Variants in SYNE1 observed in about 807,000 individuals in gnomAD.
The protein encoded by SYNE1 is nesprin-1.
A neutral mutation model predicts 1,111.0 loss-of-function variants in SYNE1; 616 were observed. The observed-to-expected ratio is 0.55, with a 90% CI of 0.52 to 0.59. The LOEUF (loss-of-function observed/expected upper bound fraction) is 0.59, where lower values mean the gene tolerates loss of function less well. SYNE1 is among the 20% of genes least tolerant of loss of function. The pLI, the probability that SYNE1 is intolerant of heterozygous loss-of-function variation, is 0.00. For missense variants in SYNE1, 10,006 were observed against 10,417.0 expected (o/e 0.96, Z 1.72); for synonymous variants, 3,855 against 3,825.8 (o/e 1.01, Z -0.28).
At chr6:152,588,612 G>A (rs2099547863) in intron 3 of SYNE1, among the ~76,000 whole-genome samples, 1 of 152,316 alleles carries the variant, frequency 6.6e-6, no homozygotes, top group African/African-American at 2.4e-5. Flanking sequence ...GGATAGGAAG[G>A]GTTGGGGAGG....
At chr6:152,211,702 C>A in intron 123 of SYNE1, 114 bp from the exon 124 acceptor site, 1 of 819,090 alleles carries the variant, frequency 1.2e-6, no homozygotes, top group Non-Finnish European at 2.0e-6. Flanking sequence ...CTATCACCAG[C>A]TGAACCAGAA....
intron 11 of SYNE1, among the ~76,000 whole-genome samples, chr6:152,496,831 T>G (rs1252799385): frequency 6.6e-6 from 1 of 152,168 alleles, no homozygotes; most frequent in Non-Finnish European, 1.5e-5. Context: ...GAAGTGAAAA[T>G]GGCTGGTTCC....
At chr6:152,420,426 C>T (rs1438027562) in intron 39 of SYNE1, among the ~76,000 whole-genome samples, 1 of 152,268 alleles carries the variant, frequency 6.6e-6, no homozygotes, top group East Asian at 1.9e-4. Context: ...TTGAGACCAG[C>T]CTGGCCAACA....
At chr6:152,634,764 G>T (rs2099703445) in intron 2 of SYNE1, among the ~76,000 whole-genome samples, 1 of 152,236 alleles carries the variant, frequency 6.6e-6, no homozygotes, top group South Asian at 2.1e-4. Context: ...TAAGCCTAAA[G>T]TATAAATTAC....
At position 152,240,417 on chromosome 6, in the gene SYNE1, T is replaced by C. The variant is rs78765260; in HGVS notation, c.19894-711A>G. ...CATTCCATGTTGTCAAGCACAGCTT[T>C]ATATGCACTGATTGATATTATAAAT... is the stretch of plus-strand genomic sequence containing the variant. On this transcript the variant is annotated intron_variant, in intron 107 of 145. Transcript: ENST00000367255. 4.4e-4 allele frequency among the ~76,000 whole-genome samples: 67 copies of C among 152,358 alleles called. No individual in the cohort carries two copies. The East Asian group carries it at 7.5e-3, about 17-fold the overall frequency.
chr6:152,443,199 G>A (rs2098548230), intron 30 of SYNE1, among the ~76,000 whole-genome samples: 1 of 152,012 alleles, frequency 6.6e-6, no homozygotes, highest in African/African-American at 2.4e-5. Context: ...TGGACCTAAA[G>A]TAAATGGAAA....
At chr6:152,600,955 TTCTAGATGGGAAA>T (rs2099594726) in intron 3 of SYNE1, among the ~76,000 whole-genome samples, 1 of 152,232 alleles carries the variant, frequency 6.6e-6, no homozygotes, top group South Asian at 2.1e-4. Flanking sequence ...GTTTCATCTT[TTCTAGATGGGAAA>T]CATGCTGTGA....
In SYNE1 at chr6:152,219,265, A is replaced by G. The variant is rs531711349; in HGVS notation, c.21862-80T>C. ...AACAGCAATCGGCAAAGGGCTACAC[A>G]TGTAGAAACACACCATTCCTACGGA... On this transcript the variant is annotated intron_variant, in intron 119 of 145. Coordinates refer to ENST00000367255, the MANE Select transcript of SYNE1 (RefSeq NM_182961.4). 72 of 1,316,240 alleles carry G rather than the reference A, an allele frequency of 5.5e-5. No homozygotes were observed. The South Asian group carries it at 8.1e-4, about 15-fold the overall frequency. 81.5% of individuals were successfully genotyped at this position (1,316,240 alleles called of 1,614,324 possible). A position where few individuals can be genotyped will look rare whatever the true frequency, so the allele number is the denominator to read the frequency against.
intron 46 of SYNE1, among the ~76,000 whole-genome samples, chr6:152,403,093 G>T (rs1279311806): frequency 6.6e-6 from 1 of 152,108 alleles, no homozygotes; most frequent in East Asian, 1.9e-4. Context: ...GCAAATCAAA[G>T]AGAAAGCACA....
In SYNE1 at chr6:152,329,460, G is replaced by A. The variant is rs182824047; in HGVS notation, c.14955+270C>T. ...AAGAATCACTTGAACCCAGGAGGCG[G>A]AGGTTGCAGTAAGCCGAGATTGCAC... On this transcript the variant is annotated intron_variant, in intron 78 of 145. Coordinates refer to ENST00000367255, the MANE Select transcript of SYNE1 (RefSeq NM_182961.4). Among the ~76,000 whole-genome samples the A allele has an allele frequency of 1.7e-3, 252 of 152,320 alleles. 1 individual carries two copies. Among genetic ancestry groups the A allele is most frequent in the African/African-American group, 5.7e-3 (235 of 41,578 alleles).
intron 135 of SYNE1, among the ~76,000 whole-genome samples, chr6:152,151,220 T>TAA (rs536179270): frequency 1.0e-4 from 13 of 125,528 alleles, no homozygotes; most frequent in African/African-American, 1.5e-4. Flanking sequence ...AGACTCTCTC[T>TAA]AAAAAAAAAA....
intron 128 of SYNE1, among the ~76,000 whole-genome samples, chr6:152,188,428 C>A (rs1554515230): frequency 6.6e-6 from 1 of 151,858 alleles, no homozygotes; most frequent in Non-Finnish European, 1.5e-5. Flanking sequence ...TTTTTTAAAA[C>A]GTTGTGCACA....
At chr6:152,256,148 C>T (rs924690164) in intron 102 of SYNE1, among the ~76,000 whole-genome samples, 4 of 151,858 alleles carry the variant, frequency 2.6e-5, no homozygotes, top group Admixed American at 6.6e-5. Context: ...GGGCCAGGCG[C>T]GGTGGCTCGC....
At chr6:152,453,759 G>A in intron 24 of SYNE1, 39 bp from the exon 25 acceptor site, 1 of 1,613,902 alleles carries the variant, frequency 6.2e-7, no homozygotes, top group Non-Finnish European at 8.5e-7. Context: ...GTGTTGGACA[G>A]ACGAAAAGGC....
chr6:152,244,408 C>T (rs1267232098), intron 106 of SYNE1, 129 bp downstream of exon 106: 1 of 1,415,204 alleles, frequency 7.1e-7, no homozygotes, highest in African/African-American at 1.4e-5. Flanking sequence ...CTAAGAGTTG[C>T]TTGGTAGAAA....
Position 152,206,277 on chromosome 6 carries a change from C to G in SYNE1, c.22910G>C (p.Ser7637Thr), listed in dbSNP as rs201497427. ...AGKQLLLSAD[S>T]GAEAALQAEL... ...GGCCTGCAAGGCGGCCTCAGCGCCA[C>G]TGTCCGCCGAGAGAAGGAGTTGCTT... Residue 7637 changes from serine (S) to threonine (T), a missense_variant, in exon 126 of 146, where the codon AGT becomes ACT. Physicochemically the swap from Ser to Thr is moderately conservative, Grantham distance 58 (BLOSUM62 1). This residue lies in a region of SYNE1 where 2,182 missense variants were observed against 2,287.8 expected (regional missense o/e 0.95). Coordinates refer to ENST00000367255, the MANE Select transcript of SYNE1 (RefSeq NM_182961.4). 265 of 1,613,998 alleles carry G rather than the reference C, an allele frequency of 1.6e-4. No homozygotes were observed. The highest frequency in any genetic ancestry group is 9.7e-5 in the Non-Finnish European group (114 of 1,180,030).
At chr6:152,440,305 C>T (rs763036948) in intron 32 of SYNE1, among the ~76,000 whole-genome samples, 6 of 152,154 alleles carry the variant, frequency 3.9e-5, no homozygotes, top group Non-Finnish European at 8.8e-5. Flanking sequence ...GATCGTGTGG[C>T]TTTTCCTTTT....
chr6:152,458,466 T>A (rs1053664604), intron 22 of SYNE1, among the ~76,000 whole-genome samples: 2 of 152,152 alleles, frequency 1.3e-5, no homozygotes, highest in Non-Finnish European at 1.5e-5. Context: ...AAACAAACCA[T>A]TTTTTCTAAC....
intron 56 of SYNE1, among the ~76,000 whole-genome samples, chr6:152,378,622 T>G (rs1377197493): frequency 2.0e-5 from 3 of 152,220 alleles, no homozygotes; most frequent in African/African-American, 4.8e-5. Context: ...GTTCCTCTCT[T>G]GTGTTTTCTG....
Sources: gnomAD v4.1 joint callset for allele counts (sites outside exome capture counted in the v4.1 genomes callset) on GRCh38, gnomAD v4.1.1 for gene constraint, gnomAD v4.1.1 regional missense constraint, MANE v1.5 for transcripts, NCBI Gene and HGNC (gene_info 2026-07-23, HGNC 2026-07-21) for gene names.